The following PRR35 variants were observed in gnomAD, a reference collection of about 807,000 sequenced individuals.
PRR35 encodes proline rich 35, also known as proline-rich protein 35.
In PRR35, 14 loss-of-function variants were observed where a neutral mutation model predicts 18.6. That is an observed-to-expected ratio of 0.75 (90% CI 0.50 to 1.18). PRR35 has a LOEUF of 1.18. Among genes scored for constraint, PRR35 ranks in the 50% most tolerant of loss-of-function variants. The pLI is 0.00. For missense variants in PRR35, 832 were observed against 792.2 expected (o/e 1.05, Z -0.60); for synonymous variants, 425 against 378.2 (o/e 1.12, Z -1.43).
chr16:565,346 A>G lies in PRR35; in HGVS notation c.*39A>G, dbSNP rs1045134013. On this transcript the variant is annotated 3_prime_UTR_variant, in exon 3 of 3. Transcript: ENST00000409413. ...AGGTCTGACTGTCTCTGCCTGCAGC[A>G]TGCCGGCCCCTCTCCTGCAGCCCCT... 7.0e-6 allele frequency: 10 copies of G among 1,426,828 alleles called. No individual in the cohort carries two copies. Among genetic ancestry groups the G allele is most frequent in the Non-Finnish European group, 9.2e-6 (10 of 1,088,734 alleles). 88.4% of individuals were successfully genotyped at this position (1,426,828 alleles called of 1,614,324 possible).
intron 1 of PRR35, among the ~76,000 whole-genome samples, chr16:562,851 T>C (rs1436685320): frequency 6.6e-6 from 1 of 152,218 alleles, no homozygotes; most frequent in Non-Finnish European, 1.5e-5. Flanking sequence ...CAAGTCGGCC[T>C]GGCCTCAGGG....
In PRR35 at chr16:565,325, CT is replaced by C. The variant is rs760810891; in HGVS notation, c.*19del. 15 of 1,461,642 alleles carry C rather than the reference CT, an allele frequency of 1.0e-5. No homozygotes were observed. In the African/African-American group the frequency reaches 2.2e-4, roughly 21 times the overall value. The allele number at this position is 1,461,642 out of a possible 1,614,324, so 90.5% of individuals were successfully genotyped here. On this transcript the variant is annotated 3_prime_UTR_variant, in exon 3 of 3. Coordinates refer to ENST00000409413, the MANE Select transcript of PRR35 (RefSeq NM_145270.3). ...AGGTCTGACCTGCAGCGCCTGAGGT[CT>C]GACTGTCTCTGCCTGCAGCATGCCG...
chr16:561,818 C>A, intron 1 of PRR35: 1 of 983,448 alleles, frequency 1.0e-6, no homozygotes, highest in Non-Finnish European at 1.2e-6. Flanking sequence ...CCTGGGGAGT[C>A]GGTGTGTAGG....
chr16:563,877 C>T lies in PRR35; in HGVS notation c.583C>T (p.Pro195Ser). The change falls in exon 2 of 3, where the codon CCA (proline) becomes TCA (serine). Residue 195 changes from proline to serine, a missense_variant. By Grantham distance (74) the Pro-to-Ser change is moderately conservative. Coordinates refer to ENST00000409413, the MANE Select transcript of PRR35 (RefSeq NM_145270.3). The stretch of plus-strand genomic sequence containing the variant: ...CGTCCCCTGCTATCCCCCGCCTGCC[C>T]CAGGGGAGTTCCCTGAGGCCCACAG... Reference protein sequence around the residue: ...GSVPCYPPPAPGEFPEAHSLH... With the variant: ...GSVPCYPPPASGEFPEAHSLH... 1 of 1,573,752 alleles carries T rather than the reference C, an allele frequency of 6.4e-7. No homozygotes were observed. Among genetic ancestry groups the T allele is most frequent in the Non-Finnish European group, 8.6e-7 (1 of 1,160,376 alleles).
At chr16:564,492 A>G in intron 2 of PRR35, 116 bp downstream of exon 2, 7 of 1,451,078 alleles carry the variant, frequency 4.8e-6, no homozygotes, top group Non-Finnish European at 6.4e-6. Context: ...GTCGCTGGGA[A>G]AGTGGGCTCC....
rs373525903 is a variant in PRR35 at position 565,040 on chromosome 16, G to A, written c.1449G>A (p.Ala483=). 3.8e-4 allele frequency: 604 copies of A among 1,597,374 alleles called. 1 individual carries two copies. Among genetic ancestry groups the A allele is most frequent in the Admixed American group, 1.5e-3 (86 of 58,222 alleles). The change falls in exon 3 of 3, where the codon GCG becomes GCA. Residue 483 remains alanine (A), a synonymous_variant. Transcript: ENST00000409413. ...AGGGGCCCCAGGCTCTTGGAGAGGC[G>A]TGGGGGCGGCCCGAGCTGGGTCCCG... The part of the protein sequence containing the change: ...PAKGPQALGE[A]WGRPELGPVL...
intron 1 of PRR35, among the ~76,000 whole-genome samples, chr16:560,917 G>A: frequency 7.7e-6 from 1 of 129,374 alleles, no homozygotes; most frequent in Admixed American, 7.4e-5. Flanking sequence ...CCGCCTGTGT[G>A]GGGCGCCCTG....
chr16:562,432 A>C (rs1021196473), intron 1 of PRR35, among the ~76,000 whole-genome samples: 2 of 152,076 alleles, frequency 1.3e-5, no homozygotes, highest in Admixed American at 1.3e-4. Flanking sequence ...ATACACACGC[A>C]CTCACACATG....
rs1351508747 is a variant in PRR35, at chr16:564,872, C to T, written c.1281C>T (p.Pro427=). Reference sequence around the variant, plus strand: ...AGCAGCGCCTGGGACAGTTGGGGCCCGCGGGGGGCCTGGCCCCGAGACCCC... The same window carrying T: ...AGCAGCGCCTGGGACAGTTGGGGCCTGCGGGGGGCCTGGCCCCGAGACCCC... ...RVEQRLGQLG[P]AGGLAPRPLR... Residue 427 remains proline, a synonymous_variant, in exon 3 of 3, where the codon CCC becomes CCT. Transcript: ENST00000409413. 4.7e-5 allele frequency: 73 copies of T among 1,566,738 alleles called. No individual in the cohort carries two copies. The highest frequency in any genetic ancestry group is 6.0e-5 in the Non-Finnish European group (70 of 1,161,164).
chr16:563,357 C>T lies in PRR35; in HGVS notation c.63C>T (p.Pro21=). The change falls in exon 2 of 3, where the codon CCC becomes CCT. Residue 21 remains proline (P), a synonymous_variant. Coordinates refer to ENST00000409413, the MANE Select transcript of PRR35 (RefSeq NM_145270.3). ...GGGCGAGGGCGCGGTCTCGGAAGCC[C>T]AAGAAGCCACACTACATCCCGCGGC... ...GTGARARSRK[P]KKPHYIPRPW... 6.2e-7 allele frequency: 1 copy of T among 1,612,236 alleles called. No individual in the cohort carries two copies. Among genetic ancestry groups the T allele is most frequent in the Non-Finnish European group, 8.5e-7 (1 of 1,179,644 alleles).
At chr16:560,245 C>G (rs2035410605), upstream of PRR35, 2 of 725,914 alleles carry the variant, frequency 2.8e-6, no homozygotes, top group Non-Finnish European at 3.4e-6. Flanking sequence ...GGTGAGTGCG[C>G]GCCAGGGGGC....
Position 561,694 on chromosome 16 carries a change from C to G in PRR35, c.-40+1033C>G, listed in dbSNP as rs138450392. On this transcript the variant is annotated intron_variant, in intron 1 of 2. Transcript: ENST00000409413. ...CCAGCCCTGTTGGTCGTCCCCCCAACGGCACCAACACAGTGTTTTGGGGGC... is the reference window on the plus strand; with the variant it reads ...CCAGCCCTGTTGGTCGTCCCCCCAAGGGCACCAACACAGTGTTTTGGGGGC... 3 of 978,940 alleles carry G rather than the reference C, an allele frequency of 3.1e-6. No homozygotes were observed. The African/African-American group carries it at 5.3e-5, about 17-fold the overall frequency. 60.6% of individuals were successfully genotyped at this position (978,940 alleles called of 1,614,324 possible).
rs2035472698 is a variant in PRR35 at position 563,329 on chromosome 16, CAG to C, written c.36_37del (p.Ala14GlufsTer70). On this transcript the variant is annotated frameshift_variant, in exon 2 of 3. Transcript: ENST00000409413. LOFTEE classifies it high-confidence loss of function. The stretch of plus-strand genomic sequence containing the variant: ...GAGGCGGGCTCATGCCGCGTGGGCA[CAG>C]GGGCGAGGGCGCGGTCTCGGAAGCC... The C allele has an allele frequency of 6.2e-7, 1 of 1,611,322 alleles. No individual in the cohort carries two copies. Among genetic ancestry groups the C allele is most frequent in the Non-Finnish European group, 8.5e-7 (1 of 1,179,434 alleles).
In PRR35 at chr16:560,433, G is replaced by A; in HGVS notation, c.-268G>A. On this transcript the variant is annotated 5_prime_UTR_variant, in exon 1 of 3. Transcript: ENST00000409413. Reference sequence around the variant, plus strand: ...CGAGCGGCGTCGGGGGGACGCGGGCGGCGGCGGAGGCTGCGGGAGTCGCTG... The same window carrying A: ...CGAGCGGCGTCGGGGGGACGCGGGCAGCGGCGGAGGCTGCGGGAGTCGCTG... The A allele has an allele frequency of 2.0e-6, 2 of 983,066 alleles. No individual in the cohort carries two copies. The highest frequency in any genetic ancestry group is 2.4e-6 in the Non-Finnish European group (2 of 829,078). The allele number at this position is 983,066 out of a possible 1,614,324, so 60.9% of individuals were successfully genotyped here. A position where few individuals can be genotyped will look rare whatever the true frequency, so the allele number is the denominator to read the frequency against.
Position 563,865 on chromosome 16 carries a change from C to T in PRR35, c.571C>T (p.Pro191Ser), listed in dbSNP as rs1183523599. The change falls in exon 2 of 3, where the codon CCC (proline) becomes TCC (serine). Residue 191 changes from proline (P) to serine (S), a missense_variant. Pro to Ser is a moderately conservative substitution (Grantham distance 74). This residue lies in a region of PRR35 where 768 missense variants were observed against 704.1 expected (regional missense o/e 1.09). Transcript: ENST00000409413. ...CCCTGAGGGCAGCGTCCCCTGCTAT[C>T]CCCCGCCTGCCCCAGGGGAGTTCCC... is the stretch of plus-strand genomic sequence containing the variant. ...AGPEGSVPCYPPPAPGEFPEA... is the reference protein window; with the variant it reads ...AGPEGSVPCYSPPAPGEFPEA... 6.4e-7 allele frequency: 1 copy of T among 1,551,832 alleles called. No homozygotes were observed. The highest frequency in any genetic ancestry group is 2.4e-5 in the East Asian group (1 of 41,604).
rs1394386222 is a variant in PRR35 at position 563,573 on chromosome 16, T to G, written c.279T>G (p.Pro93=). The change falls in exon 2 of 3, where the codon CCT becomes CCG. Residue 93 remains proline, a synonymous_variant. Coordinates refer to ENST00000409413, the MANE Select transcript of PRR35 (RefSeq NM_145270.3). ...PRPHAPTPDR[P]GESDPGRQPQ... is the part of the protein sequence containing the mutation. ...CCCACGCACCCACCCCAGACCGCCC[T>G]GGGGAGTCCGACCCCGGCAGGCAAC... 2 of 1,605,394 alleles carry G rather than the reference T, an allele frequency of 1.2e-6. No homozygotes were observed. The highest frequency in any genetic ancestry group is 3.4e-5 in the Admixed American group (2 of 59,180).
Position 564,960 on chromosome 16 carries a change from GCCGTGAGGCCGCCAGACGCA to G in PRR35, c.1372_1391del (p.Val458ProfsTer56), listed in dbSNP as rs1567170364. 3 of 1,605,472 alleles carry G rather than the reference GCCGTGAGGCCGCCAGACGCA, an allele frequency of 1.9e-6. No homozygotes were observed. Among genetic ancestry groups the G allele is most frequent in the Non-Finnish European group, 2.5e-6 (3 of 1,178,132 alleles). On this transcript the variant is annotated frameshift_variant, in exon 3 of 3. Coordinates refer to ENST00000409413, the MANE Select transcript of PRR35 (RefSeq NM_145270.3). LOFTEE classifies it low-confidence loss of function (END_TRUNC). ...CACCATTCACCAGGCGCTGGAGCAG[GCCGTGAGGCCGCCAGACGCA>G]CCCCTCGACCTCTCTGTGAAACGTG...
upstream of PRR35, chr16:560,262 G>T (rs915826151): frequency 2.0e-5 from 16 of 801,722 alleles, no homozygotes; most frequent in African/African-American, 2.8e-4. Context: ...GGGCGGCGGG[G>T]GGCGCGCGGG....
At position 564,919 on chromosome 16, in the gene PRR35, T is replaced by G. The variant is rs1394173460; in HGVS notation, c.1328T>G (p.Ile443Ser). 6.3e-7 allele frequency: 1 copy of G among 1,598,926 alleles called. No homozygotes were observed. The highest frequency in any genetic ancestry group is 2.2e-5 in the East Asian group (1 of 44,520). The change falls in exon 3 of 3, where the codon ATC becomes AGC. Residue 443 changes from isoleucine to serine, a missense_variant. By Grantham distance (142) the Ile-to-Ser change is moderately radical. Transcript: ENST00000409413. ...PRPLREQLGK[I>S]RLELLTIHQA... is the part of the protein sequence containing the mutation. ...CCCCTGCGGGAGCAGCTGGGCAAGA[T>G]CCGCCTGGAGCTGCTCACCATTCAC...
Sources: allele counts gnomAD v4.1 joint callset (sites outside exome capture counted in the v4.1 genomes callset), GRCh38; gene constraint gnomAD v4.1.1; regional missense constraint gnomAD v4.1.1; transcripts MANE v1.5; gene names NCBI Gene and HGNC (gene_info 2026-07-23, HGNC 2026-07-21).